The following TK1 variants were observed in gnomAD, a reference collection of about 807,000 sequenced individuals.
TK1 encodes the protein thymidine kinase 1, also known as thymidine kinase, cytosolic.
A neutral mutation model predicts 22.4 loss-of-function variants in TK1; 13 were observed. The ratio of observed to expected loss-of-function variants is 0.58; its 90% confidence interval spans 0.38 to 0.92. The LOEUF (loss-of-function observed/expected upper bound fraction) is 0.92, where lower values mean the gene tolerates loss of function less well. Among genes scored for constraint, TK1 ranks in the 40% least tolerant of loss-of-function variants. TK1 has a pLI of 0.00. For synonymous variants in TK1, 134 were observed against 125.4 expected, an observed-to-expected ratio of 1.07 and a Z score of -0.46; for missense variants, 251 against 315.7, an observed-to-expected ratio of 0.80 and a Z score of 1.55.
At chr17:78,183,967 C>T (rs532151868) in intron 3 of TK1, among the ~76,000 whole-genome samples, 31 of 152,300 alleles carry the variant, frequency 2.0e-4, no homozygotes, top group African/African-American at 5.5e-4. Context: ...TTGTGACACA[C>T]GGGCAGAACT....
chr17:78,186,706 AG>A (rs1197796462), intron 2 of TK1, 80 bp downstream of exon 2: 196 of 885,866 alleles, frequency 2.2e-4, no homozygotes, highest in Non-Finnish European at 2.8e-4. Context: ...AGGGGAGGGG[AG>A]GGAAGGGGAG....
Position 78,186,794 on chromosome 17 carries a change from C to T in TK1, c.91G>A (p.Gly31Arg), listed in dbSNP as rs1465019917. 1 of 1,586,774 alleles carries T rather than the reference C, an allele frequency of 6.3e-7. No homozygotes were observed. The highest frequency in any genetic ancestry group is 1.4e-5 in the African/African-American group (1 of 73,996). The change falls in exon 2 of 7, where the codon GGA becomes AGA. Residue 31 changes from glycine (G) to arginine (R), a missense_variant. Gly to Arg is a moderately radical substitution (Grantham distance 125, BLOSUM62 -2). Transcript: ENST00000301634. ...GCCCCGCGAAGCCATTACCTTTTTC[C>T]TGAGAACATCGGCCCGAGAATCACC... ...IQVILGPMFS[G>R]KSTELMRRVR... is the part of the protein sequence containing the mutation.
intron 2 of TK1, 136 bp downstream of exon 2, chr17:78,186,651 G>A: frequency 1.1e-6 from 1 of 916,246 alleles, no homozygotes; most frequent in Non-Finnish European, 1.6e-6. Flanking sequence ...AGGCTGTGCT[G>A]GTCCTTCTAG....
At chr17:78,183,551 TGTG>T (rs1342085518) in intron 3 of TK1, among the ~76,000 whole-genome samples, 2 of 151,836 alleles carry the variant, frequency 1.3e-5, no homozygotes, top group Non-Finnish European at 2.9e-5. Flanking sequence ...ATTAACTGGG[TGTG>T]GTGGTGTGCG....
Position 78,182,674 on chromosome 17 carries a change from A to G in TK1, c.218T>C (p.Met73Thr), listed in dbSNP as rs775606662. Reference sequence around the variant, plus strand: ...GAGCAGGCAGGCGGGCAGTGCCTCCATGGTGTTCCTGGGAAGAGAAAGCCA... The same window carrying G: ...GAGCAGGCAGGCGGGCAGTGCCTCCGTGGTGTTCCTGGGAAGAGAAAGCCA... ...SSFCTHDRNT[M>T]EALPACLLRD... is the part of the protein sequence containing the mutation. The change falls in exon 4 of 7, where the codon ATG becomes ACG. Residue 73 changes from methionine to threonine, a missense_variant. Coordinates refer to ENST00000301634, the MANE Select transcript of TK1 (RefSeq NM_003258.5). The G allele has an allele frequency of 1.9e-6, 3 of 1,577,580 alleles. No individual in the cohort carries two copies. The highest frequency in any genetic ancestry group is 2.6e-6 in the Non-Finnish European group (3 of 1,165,696).
rs1268416064 is a variant in TK1 at position 78,182,531 on chromosome 17, A to G, written c.303+58T>C. 3 of 1,367,290 alleles carry G rather than the reference A, an allele frequency of 2.2e-6. No individual in the cohort carries two copies. In the Admixed American group the frequency reaches 7.5e-5, roughly 34 times the overall value. The allele number at this position is 1,367,290 out of a possible 1,614,324, so 84.7% of individuals were successfully genotyped here. A position where few individuals can be genotyped will look rare whatever the true frequency, so the allele number is the denominator to read the frequency against. ...GATAACTTCCAAGTCAGCGAGGGAA[A>G]ACGGGAGGACAGAGCGGAAGCTGGC... is the stretch of plus-strand genomic sequence containing the variant. On this transcript the variant is annotated intron_variant, in intron 4 of 6. Coordinates refer to ENST00000301634, the MANE Select transcript of TK1 (RefSeq NM_003258.5).
intron 4 of TK1, chr17:78,179,048 C>T (rs1028771365): frequency 1.6e-5 from 9 of 574,300 alleles, no homozygotes; most frequent in Non-Finnish European, 1.8e-5. Context: ...TGGCTCCTGA[C>T]TCAGGGCATT....
At position 78,186,809 on chromosome 17, in the gene TK1, C is replaced by A; in HGVS notation, c.76G>T (p.Gly26Trp). 6.3e-7 allele frequency: 1 copy of A among 1,584,954 alleles called. No homozygotes were observed. Among genetic ancestry groups the A allele is most frequent in the East Asian group, 2.3e-5 (1 of 42,788 alleles). Reference sequence around the variant, plus strand: ...TACCTTTTTCCTGAGAACATCGGCCCGAGAATCACCTAGGAGAGAAGGTGA... The same window carrying A: ...TACCTTTTTCCTGAGAACATCGGCCAGAGAATCACCTAGGAGAGAAGGTGA... ...KTRGQIQVILGPMFSGKSTEL... is the reference protein window; with the variant it reads ...KTRGQIQVILWPMFSGKSTEL... Residue 26 changes from glycine to tryptophan, a missense_variant, in exon 2 of 7, where the codon GGG becomes TGG. Gly to Trp is a radical substitution (Grantham distance 184). Transcript: ENST00000301634.
chr17:78,177,178 C>A lies in TK1; in HGVS notation c.304-1560G>T, dbSNP rs551664717. On this transcript the variant is annotated intron_variant, in intron 4 of 6. Transcript: ENST00000301634. ...AAAGTGCTGGGATCACAGACGTGAGCCTCTGTGCCAGACCCTAACTTTTCC... is the reference window on the plus strand; with the variant it reads ...AAAGTGCTGGGATCACAGACGTGAGACTCTGTGCCAGACCCTAACTTTTCC... 4.6e-5 allele frequency among the ~76,000 whole-genome samples: 7 copies of A among 152,312 alleles called. No individual in the cohort carries two copies. In the South Asian group the frequency reaches 1.4e-3, roughly 32 times the overall value.
intron 4 of TK1, chr17:78,179,098 G>A: frequency 1.1e-6 from 1 of 941,960 alleles, no homozygotes; most frequent in Non-Finnish European, 1.3e-6. Context: ...TTCTGCCTCG[G>A]GGGTCTGGGT....
rs1245046930 is a variant in TK1, at chr17:78,175,606, CGAT to C, written c.313_315del (p.Ile105del). ...TTGGCCATGGCCTCGCAGAACTCCA[CGAT>C]GTCAGGGAACTGGAAAGGGCACGTG... is the stretch of plus-strand genomic sequence containing the variant. On this transcript the variant is annotated inframe_deletion, in exon 5 of 7. Transcript: ENST00000301634. The C allele has an allele frequency of 3.1e-6, 5 of 1,613,362 alleles. No individual in the cohort carries two copies. Among genetic ancestry groups the C allele is most frequent in the Non-Finnish European group, 3.4e-6 (4 of 1,179,804 alleles).
rs571353966 is a variant in TK1, at chr17:78,184,701, C to T, written c.209+354G>A. ...AGGCTCCTGACATTTGGGGCCAGCTCGTTCTTGCATGGGGGCCGTCCTCTG... is the reference window on the plus strand; with the variant it reads ...AGGCTCCTGACATTTGGGGCCAGCTTGTTCTTGCATGGGGGCCGTCCTCTG... On this transcript the variant is annotated intron_variant, in intron 3 of 6. Coordinates refer to ENST00000301634, the MANE Select transcript of TK1 (RefSeq NM_003258.5). 1.9e-3 allele frequency among the ~76,000 whole-genome samples: 294 copies of T among 152,244 alleles called. 1 individual carries two copies. Among genetic ancestry groups the T allele is most frequent in the Middle Eastern group, 6.8e-3 (2 of 294 alleles).
Position 78,185,130 on chromosome 17 carries a change from A to G in TK1, c.134T>C (p.Ile45Thr), listed in dbSNP as rs2075772161. ...GATCACCAGGCACTTGTACTGAGCA[A>G]TCTGGAAGCGACGGACGCGTCTCAT... ...ELMRRVRRFQ[I>T]AQYKCLVIKY... The change falls in exon 3 of 7, where the codon ATT (isoleucine) becomes ACT (threonine). Residue 45 changes from isoleucine to threonine, a missense_variant. By Grantham distance (89) the Ile-to-Thr change is moderately conservative. Coordinates refer to ENST00000301634, the MANE Select transcript of TK1 (RefSeq NM_003258.5). The G allele has an allele frequency of 6.2e-7, 1 of 1,611,736 alleles. No individual in the cohort carries two copies. The highest frequency in any genetic ancestry group is 8.5e-7 in the Non-Finnish European group (1 of 1,179,478).
Position 78,174,616 on chromosome 17 carries a change from A to T in TK1, c.*143T>A. On this transcript the variant is annotated 3_prime_UTR_variant, in exon 7 of 7. Transcript: ENST00000301634. ...GGAGCATGCGGCAGGTGGGGCAGCC[A>T]CACAAAGGAGAGTTCCCAGAAGGCC... 1 of 928,850 alleles carries T rather than the reference A, an allele frequency of 1.1e-6. No individual in the cohort carries two copies. The highest frequency in any genetic ancestry group is 1.6e-6 in the Non-Finnish European group (1 of 637,126). 57.5% of individuals were successfully genotyped at this position (928,850 alleles called of 1,614,324 possible). A position where few individuals can be genotyped will look rare whatever the true frequency, so the allele number is the denominator to read the frequency against.
rs1167825072 is a variant in TK1 at position 78,174,476 on chromosome 17, C to G, written c.*283G>C. On this transcript the variant is annotated 3_prime_UTR_variant, in exon 7 of 7. Coordinates refer to ENST00000301634, the MANE Select transcript of TK1 (RefSeq NM_003258.5). ...CAGCGTGGGGCTCTGTCCCTCACCC[C>G]AAGGAGAGGGAGTGTGCCAGATCCC... 1 of 472,004 alleles carries G rather than the reference C, an allele frequency of 2.1e-6. No individual in the cohort carries two copies. The highest frequency in any genetic ancestry group is 3.8e-6 in the Non-Finnish European group (1 of 263,446). 29.2% of individuals were successfully genotyped at this position (472,004 alleles called of 1,614,324 possible).
chr17:78,181,856 T>C (rs1411344830), intron 4 of TK1, among the ~76,000 whole-genome samples: 1 of 151,344 alleles, frequency 6.6e-6, no homozygotes, highest in Non-Finnish European at 1.5e-5. Flanking sequence ...CCTCCCAGGC[T>C]CCATCCTTCT....
chr17:78,175,741 T>C, intron 4 of TK1, 123 bp from the exon 5 acceptor site: 1 of 799,318 alleles, frequency 1.3e-6, no homozygotes, highest in Non-Finnish European at 2.0e-6. Context: ...TAACTCTTAA[T>C]TCTCCCACGA....
intron 4 of TK1, among the ~76,000 whole-genome samples, chr17:78,177,880 A>AT (rs1340951790): frequency 3.1e-5 from 4 of 128,526 alleles, no homozygotes; most frequent in Middle Eastern, 0.014. Context: ...GGCTTTGTCT[A>AT]TTTTTTTTGA....
At chr17:78,185,495 C>T (rs1048559912) in intron 2 of TK1, among the ~76,000 whole-genome samples, 2 of 151,978 alleles carry the variant, frequency 1.3e-5, no homozygotes, top group African/African-American at 4.8e-5. Flanking sequence ...AAAGTAACCT[C>T]ATCCCAGAGT....
Sources: gnomAD v4.1 joint callset for allele counts (sites outside exome capture counted in the v4.1 genomes callset) on GRCh38, gnomAD v4.1.1 for gene constraint, MANE v1.5 for transcripts, NCBI Gene and HGNC (gene_info 2026-07-23, HGNC 2026-07-21) for gene names.